The following LINGO1 variants were observed in gnomAD, a reference collection of about 807,000 sequenced individuals.
The protein encoded by LINGO1 is leucine-rich repeat and immunoglobulin-like domain-containing nogo receptor-interacting protein 1.
Under a neutral mutation model 37.3 loss-of-function variants are expected in LINGO1, and 11 were observed. The ratio of observed to expected loss-of-function variants is 0.29; its 90% CI spans 0.19 to 0.49. The LOEUF is 0.49. Ranked by LOEUF, LINGO1 falls within the 20% of genes least tolerant of loss-of-function variation. The probability of loss-of-function intolerance (pLI) is 0.99; values close to 1 mark genes in which losing one functional copy is unlikely to be tolerated. For missense variants in LINGO1, 585 were observed against 878.2 expected (o/e 0.67, Z 4.22); for synonymous variants, 387 against 403.0 (o/e 0.96, Z 0.48).
chr15:77,819,274 C>T (rs1182852565), intron 1 of LINGO1: 2 of 149,990 alleles, frequency 1.3e-5, no homozygotes, highest in African/African-American at 2.4e-5. Flanking sequence ...CACTCACCGT[C>T]CCGGGCGCGC....
chr15:77,700,762 G>A (rs973253133), upstream of LINGO1, among the ~76,000 whole-genome samples: 1 of 152,204 alleles, frequency 6.6e-6, no homozygotes. Flanking sequence ...CCAGAACCAA[G>A]CCAGAGCCAG....
intron 1 of LINGO1, among the ~76,000 whole-genome samples, chr15:77,766,851 A>C (rs1006173446): frequency 9.8e-5 from 15 of 152,368 alleles, no homozygotes; most frequent in African/African-American, 3.4e-4. Flanking sequence ...AATAAGAAAG[A>C]AGCTTTGAAA....
chr15:77,663,326 G>A (rs1440274927), intron 3 of LINGO1, among the ~76,000 whole-genome samples: 1 of 152,072 alleles, frequency 6.6e-6, no homozygotes, highest in Non-Finnish European at 1.5e-5. Flanking sequence ...TGGCTTAAAC[G>A]GTGGTCATTC....
At chr15:77,664,170 T>TGTGCGCGCGCGCGC in intron 3 of LINGO1, among the ~76,000 whole-genome samples, 186 of 130,972 alleles carry the variant, frequency 1.4e-3, no homozygotes, top group African/African-American at 6.5e-3. Flanking sequence ...TGTGTGTGTG[T>TGTGCGCGCGCGCGC]GCGCGCGCGC....
At chr15:77,754,762 C>G (rs948777080) in intron 1 of LINGO1, among the ~76,000 whole-genome samples, 1 of 152,228 alleles carries the variant, frequency 6.6e-6, no homozygotes, top group Non-Finnish European at 1.5e-5. Flanking sequence ...CACAGTGCAG[C>G]GTCCTTGGCC....
chr15:77,772,032 T>C (rs1488019222), intron 1 of LINGO1, among the ~76,000 whole-genome samples: 1 of 152,182 alleles, frequency 6.6e-6, no homozygotes, highest in Non-Finnish European at 1.5e-5. Context: ...CCACCTCCAC[T>C]GTGTACCCCA....
At position 77,632,899 on chromosome 15, in the gene LINGO1, G is replaced by GGGGAGGGAGCACTAGGAGCGAGCCA. The variant is rs1226676185; in HGVS notation, c.-585_-584insTGGCTCGCTCCTAGTGCTCCCTCCC. On this transcript the variant is annotated 5_prime_UTR_variant, in exon 1 of 2. Transcript: ENST00000355300. This position sits in a 1 kb window ranked among gnomAD's most constrained non-coding sequence, Gnocchi z 6.0. ...CGGGCTCCGCGCTCTGCAGCGGCGC[G>GGGGAGGGAGCACTAGGAGCGAGCCA]GGGAGGGAGCACTAGGAGCGAGCCA... 2.6e-5 allele frequency among the ~76,000 whole-genome samples: 4 copies of GGGGAGGGAGCACTAGGAGCGAGCCA among 150,958 alleles called. No individual in the cohort carries two copies. The highest frequency in any genetic ancestry group is 5.9e-5 in the Non-Finnish European group (4 of 67,508).
intron 2 of LINGO1, among the ~76,000 whole-genome samples, chr15:77,684,485 C>T (rs2075470004): frequency 6.6e-6 from 1 of 152,194 alleles, no homozygotes; most frequent in South Asian, 2.1e-4. Flanking sequence ...TGCCAGGCTC[C>T]AAGACTGGCC....
Position 77,632,412 on chromosome 15 carries a change from G to A in LINGO1, c.-97C>T. On this transcript the variant is annotated 5_prime_UTR_variant, in exon 1 of 2. The change creates a new upstream start codon in the 5' untranslated region. Transcript: ENST00000355300. The surrounding 1 kb of genome is among the most constrained non-coding windows in gnomAD (Gnocchi z 6.0). ...CAGCCCCTGCCCAGCCCCCTCCTCC[G>A]TTTCCTCCTCCTCCGACACCTCCGC... The A allele has an allele frequency of 2.4e-6, 3 of 1,227,954 alleles. No homozygotes were observed. The highest frequency in any genetic ancestry group is 3.2e-5 in the East Asian group (1 of 30,786). The allele number at this position is 1,227,954 out of a possible 1,614,324, so 76.1% of individuals were successfully genotyped here. A position where few individuals can be genotyped will look rare whatever the true frequency, so the allele number is the denominator to read the frequency against.
intron 2 of LINGO1, among the ~76,000 whole-genome samples, chr15:77,704,459 G>A (rs569640453): frequency 4.0e-5 from 6 of 150,236 alleles, no homozygotes; most frequent in South Asian, 4.2e-4. Flanking sequence ...ACTGAGTCCC[G>A]ACTCTGGTCA....
intron 2 of LINGO1, among the ~76,000 whole-genome samples, chr15:77,706,631 C>T (rs115680505): frequency 5.3e-4 from 81 of 152,340 alleles, no homozygotes; most frequent in African/African-American, 1.9e-3. Flanking sequence ...GCACACAGCT[C>T]CTTCTTATCC....
chr15:77,781,749 C>T (rs1354282430), intron 1 of LINGO1, among the ~76,000 whole-genome samples: 1 of 152,248 alleles, frequency 6.6e-6, no homozygotes, highest in Non-Finnish European at 1.5e-5. Flanking sequence ...CCCAAGGTCA[C>T]ACAGTGGTCT....
At chr15:77,723,478 A>G (rs1365754033) in intron 2 of LINGO1, among the ~76,000 whole-genome samples, 1 of 152,160 alleles carries the variant, frequency 6.6e-6, no homozygotes, top group East Asian at 1.9e-4. Flanking sequence ...CGTGCTTCTG[A>G]CGTGCCCGGC....
At chr15:77,759,096 C>CTGGCAAG (rs1278399818) in intron 1 of LINGO1, among the ~76,000 whole-genome samples, 6 of 152,220 alleles carry the variant, frequency 3.9e-5, no homozygotes, top group Non-Finnish European at 5.9e-5. Context: ...AACAGCAGGG[C>CTGGCAAG]TGGCAAGTAA....
chr15:77,774,737 G>A (rs1303546998), intron 1 of LINGO1, among the ~76,000 whole-genome samples: 1 of 152,180 alleles, frequency 6.6e-6, no homozygotes, highest in Non-Finnish European at 1.5e-5. Context: ...TGCAGCAGAA[G>A]GAGATGAAAA....
chr15:77,731,478 C>G (rs1413886447), intron 2 of LINGO1, among the ~76,000 whole-genome samples: 2 of 152,196 alleles, frequency 1.3e-5, no homozygotes, highest in African/African-American at 4.8e-5. Flanking sequence ...TCAATCCCAG[C>G]TCTGCCTTTT....
At chr15:77,670,282 T>A (rs1244890849) in intron 3 of LINGO1, among the ~76,000 whole-genome samples, 1 of 152,140 alleles carries the variant, frequency 6.6e-6, no homozygotes, top group Non-Finnish European at 1.5e-5. Flanking sequence ...GTGGTAAGAG[T>A]TGCACAATTG....
In LINGO1 at chr15:77,718,191, G is replaced by A. The variant is rs150358394; in HGVS notation, c.-195+16801C>T. On this transcript the variant is annotated intron_variant, in intron 2 of 3. Transcript: ENST00000561686. Reference sequence around the variant, plus strand: ...CCAGGGCCCACGGAGGGGTCTTGCCGTGGCCCTCAGCTTCACACGCAGACC... The same window carrying A: ...CCAGGGCCCACGGAGGGGTCTTGCCATGGCCCTCAGCTTCACACGCAGACC... Among the ~76,000 whole-genome samples the A allele has an allele frequency of 2.4e-3, 358 of 149,700 alleles. 5 individuals are homozygous for A. The highest frequency in any genetic ancestry group is 7.7e-3 in the African/African-American group (315 of 41,136).
chr15:77,706,476 T>C (rs1388404898), intron 2 of LINGO1, among the ~76,000 whole-genome samples: 1 of 150,994 alleles, frequency 6.6e-6, no homozygotes, highest in East Asian at 2.0e-4. Context: ...CTCCTCACTA[T>C]TGGCCTCAGG....
Sources: gnomAD v4.1 joint callset for allele counts (sites outside exome capture counted in the v4.1 genomes callset) on GRCh38, gnomAD v4.1.1 for gene constraint, Gnocchi (gnomAD v3.1) non-coding constraint, MANE v1.5 for transcripts, NCBI Gene and HGNC (gene_info 2026-07-23, HGNC 2026-07-21) for gene names.